Variants in MTRR observed in about 807,000 individuals in gnomAD.
MTRR encodes the protein methionine synthase reductase.
Under a neutral mutation model 79.2 loss-of-function variants are expected in MTRR, and 63 were observed. That is an observed-to-expected ratio of 0.80 (90% CI 0.65 to 0.98). The LOEUF (loss-of-function observed/expected upper bound fraction) is 0.98, where lower values mean the gene tolerates loss of function less well. Ranked by LOEUF, MTRR falls within the 50% of genes least tolerant of loss-of-function variation. The pLI, the probability that MTRR is intolerant of heterozygous loss-of-function variation, is 0.00. For synonymous variants in MTRR, 355 were observed against 313.3 expected, an observed-to-expected ratio of 1.13 and a Z score of -1.41; for missense variants, 895 against 839.6, an observed-to-expected ratio of 1.07 and a Z score of -0.82.
At chr5:7,899,682 G>A (rs1739159460) in intron 14 of MTRR, among the ~76,000 whole-genome samples, 1 of 152,136 alleles carries the variant, frequency 6.6e-6, no homozygotes, top group Non-Finnish European at 1.5e-5. Context: ...TGGAGCCTGT[G>A]GAGGATTGGG....
chr5:7,864,969 C>T (rs889520491), upstream of MTRR, among the ~76,000 whole-genome samples: 1 of 152,084 alleles, frequency 6.6e-6, no homozygotes, highest in African/African-American at 2.4e-5. Flanking sequence ...TTGCAAAAAC[C>T]TCCAAGTGCA....
At position 7,878,342 on chromosome 5, in the gene MTRR, T is replaced by C. The variant is rs563392085; in HGVS notation, c.780+20T>C. 381 of 1,611,832 alleles carry C rather than the reference T, an allele frequency of 2.4e-4. 2 individuals carry two copies. In the South Asian group the frequency reaches 3.8e-3, roughly 16 times the overall value. The stretch of plus-strand genomic sequence containing the variant: ...GGCCAGGTAAGGAAGTTTTTCTTTA[T>C]GCTATAGATGCTATTTAATCATGGA... On this transcript the variant is annotated intron_variant, in intron 5 of 14. Transcript: ENST00000440940.
intron 5 of MTRR, among the ~76,000 whole-genome samples, chr5:7,882,953 A>G (rs1735806020): frequency 6.6e-6 from 1 of 152,248 alleles, no homozygotes; most frequent in Non-Finnish European, 1.5e-5. Context: ...TCTAATGTCT[A>G]ATAGATAAAG....
At chr5:7,890,472 C>A (rs1264024247) in intron 9 of MTRR, 1 of 938,814 alleles carries the variant, frequency 1.1e-6, no homozygotes, top group Non-Finnish European at 1.3e-6. Flanking sequence ...TATTTCAATT[C>A]TTTTCGTAGA....
chr5:7,875,412 T>C, intron 4 of MTRR, 37 bp downstream of exon 4: 1 of 1,450,244 alleles, frequency 6.9e-7, no homozygotes, highest in Non-Finnish European at 9.7e-7. Flanking sequence ...CAATAAGCCC[T>C]CTATACATGA....
At chr5:7,894,518 A>G (rs765475621) in intron 11 of MTRR, among the ~76,000 whole-genome samples, 1 of 152,224 alleles carries the variant, frequency 6.6e-6, no homozygotes, top group African/African-American at 2.4e-5. Flanking sequence ...GAACGTAGAA[A>G]GTGTGCTGTT....
rs771599060 is a variant in MTRR, at chr5:7,885,732, C to A, written c.935C>A (p.Ala312Asp). ...NTDFSYQPGD[A>D]FSVICPNSDS... ...GACTTTTCCTATCAGCCTGGAGATG[C>A]CTTCAGCGTGATCTGCCCTAACAGT... The change falls in exon 7 of 15, where the codon GCC becomes GAC. Residue 312 changes from alanine to aspartate, a missense_variant. Physicochemically the swap from Ala to Asp is moderately radical, Grantham distance 126. Coordinates refer to ENST00000440940, the MANE Select transcript of MTRR (RefSeq NM_002454.3). 6.2e-6 allele frequency: 10 copies of A among 1,613,048 alleles called. No individual in the cohort carries two copies. The African/African-American group carries it at 1.2e-4, about 19-fold the overall frequency.
upstream of MTRR, among the ~76,000 whole-genome samples, chr5:7,866,296 GAAT>G (rs540861038): frequency 5.2e-5 from 7 of 133,400 alleles, no homozygotes; most frequent in South Asian, 1.0e-3. Context: ...GAATTAAGAT[GAAT>G]AATACCATCC....
At chr5:7,887,661 A>AT (rs965739464) in intron 8 of MTRR, among the ~76,000 whole-genome samples, 1 of 148,014 alleles carries the variant, frequency 6.8e-6, no homozygotes, top group African/African-American at 2.5e-5. Context: ...AAGCTTACCG[A>AT]TTAAGTCACA....
At chr5:7,854,473 G>GA (rs1365022890) in intron 1 of MTRR, among the ~76,000 whole-genome samples, 2 of 152,192 alleles carry the variant, frequency 1.3e-5, no homozygotes, top group Non-Finnish European at 2.9e-5. Flanking sequence ...AGACTGGGAT[G>GA]AAAAGAGGTT....
intron 5 of MTRR, among the ~76,000 whole-genome samples, chr5:7,878,570 C>T (rs1287555676): frequency 2.0e-5 from 3 of 152,232 alleles, no homozygotes; most frequent in Non-Finnish European, 4.4e-5. Flanking sequence ...GCCTGCAATG[C>T]CTAAGGCATT....
At chr5:7,884,528 G>A (rs539703297) in intron 6 of MTRR, among the ~76,000 whole-genome samples, 458 of 151,352 alleles carry the variant, frequency 3.0e-3, no homozygotes, top group Non-Finnish European at 5.2e-3. Context: ...GTTTTTTTCC[G>A]TCCCAAATAT....
chr5:7,898,712 G>A (rs1738956887), intron 14 of MTRR, among the ~76,000 whole-genome samples: 1 of 152,162 alleles, frequency 6.6e-6, no homozygotes, highest in African/African-American at 2.4e-5. Flanking sequence ...AGCCTCTTGA[G>A]ACAGGTGAGA....
chr5:7,870,905 T>C lies in MTRR; in HGVS notation c.111T>C (p.Cys37=). ...VVHGFSADLH[C]ISESDKYDLK... ...ATGGATTTTCTGCAGATCTTCACTGTATTAGTGAATCCGATAAGGTTAGAG... is the reference window on the plus strand; with the variant it reads ...ATGGATTTTCTGCAGATCTTCACTGCATTAGTGAATCCGATAAGGTTAGAG... Residue 37 remains cysteine (C), a synonymous_variant, in exon 2 of 15, where the codon TGT becomes TGC. Coordinates refer to ENST00000440940, the MANE Select transcript of MTRR (RefSeq NM_002454.3). 1 of 1,614,232 alleles carries C rather than the reference T, an allele frequency of 6.2e-7. No individual in the cohort carries two copies. The highest frequency in any genetic ancestry group is 8.5e-7 in the Non-Finnish European group (1 of 1,180,012).
chr5:7,868,950 C>T (rs765178813), upstream of MTRR: 1 of 715,178 alleles, frequency 1.4e-6, no homozygotes, highest in African/African-American at 1.7e-5. Flanking sequence ...GCCGGACCAA[C>T]TGCGCGGAGA....
chr5:7,888,412 T>TA (rs1474113608), intron 8 of MTRR, among the ~76,000 whole-genome samples: 1 of 152,240 alleles, frequency 6.6e-6, no homozygotes, highest in African/African-American at 2.4e-5. Context: ...TACAAACTGT[T>TA]ATTGGTAGAT....
chr5:7,854,337 A>T (rs1417532228), intron 1 of MTRR, among the ~76,000 whole-genome samples: 1 of 151,470 alleles, frequency 6.6e-6, no homozygotes, highest in East Asian at 1.9e-4. Context: ...ATGTATATAT[A>T]TATCTATGTA....
chr5:7,859,251 T>C (rs1746363620), intron 1 of MTRR: 2 of 381,752 alleles, frequency 5.2e-6, no homozygotes, highest in East Asian at 7.8e-5. Flanking sequence ...AGTATTAAAT[T>C]AAAATTAATT....
At chr5:7,885,562 G>GTT (rs758181172) in intron 6 of MTRR, 139 bp from the exon 7 acceptor site, 657 of 685,766 alleles carry the variant, frequency 9.6e-4, no homozygotes, top group East Asian at 5.2e-3. Context: ...ACAATTGTGT[G>GTT]TTTTTTTTTT....
Sources: allele counts gnomAD v4.1 joint callset (sites outside exome capture counted in the v4.1 genomes callset), GRCh38; gene constraint gnomAD v4.1.1; transcripts MANE v1.5; gene names NCBI Gene and HGNC (gene_info 2026-07-23, HGNC 2026-07-21).